POMT1: variants seen among roughly 807,000 people sequenced by gnomAD.
The protein encoded by POMT1 is protein O-mannosyltransferase 1, also known as protein O-mannosyl-transferase 1.
POMT1 carries 85 observed loss-of-function variants against 101.6 expected under a neutral mutation model. The ratio of observed to expected loss-of-function variants is 0.84; its 90% CI spans 0.70 to 1.00. POMT1 has a LOEUF of 1.00. Ranked by LOEUF, POMT1 falls within the 50% of genes least tolerant of loss-of-function variation. The pLI, the probability that POMT1 is intolerant of heterozygous loss-of-function variation, is 0.00. For missense variants in POMT1, 857 were observed against 930.4 expected, an observed-to-expected ratio of 0.92 and a Z score of 1.03; for synonymous variants, 371 against 383.0, an observed-to-expected ratio of 0.97 and a Z score of 0.37.
chr9:131,519,467 C>T lies in POMT1; in HGVS notation c.1565C>T (p.Ala522Val), dbSNP rs374402055. ...VDVSRNLSFM[A>V]RFSELQWRML... ...GTCAGCAGGAACCTCAGCTTCATGGCGAGATTCTCGGAGCTGCAGGTGAGG... is the reference window on the plus strand; with the variant it reads ...GTCAGCAGGAACCTCAGCTTCATGGTGAGATTCTCGGAGCTGCAGGTGAGG... The change falls in exon 16 of 20, where the codon GCG becomes GTG. Residue 522 changes from alanine (A) to valine (V), a missense_variant. By Grantham distance (64) the Ala-to-Val change is moderately conservative. Transcript: ENST00000402686. The surrounding 1 kb of genome is among the most constrained non-coding windows in gnomAD (Gnocchi z 4.3). The T allele has an allele frequency of 9.3e-5, 144 of 1,550,654 alleles. No homozygotes were observed. The South Asian group carries it at 9.4e-4, about 10-fold the overall frequency.
Position 131,507,364 on chromosome 9 carries a change from C to G in POMT1, c.281-4C>G. 6.2e-7 allele frequency: 1 copy of G among 1,614,096 alleles called. No individual in the cohort carries two copies. Among genetic ancestry groups the G allele is most frequent in the South Asian group, 1.1e-5 (1 of 91,074 alleles). On this transcript the variant is annotated splice_polypyrimidine_tract_variant and splice_region_variant and intron_variant, in intron 4 of 19. Coordinates refer to ENST00000402686, the MANE Select transcript of POMT1 (RefSeq NM_001077365.2). ...TCAGCTCTGCAGTGTGGTTGCTTTT[C>G]CAGAATACAGTAGCAACGTGCCTGT...
intron 12 of POMT1, 117 bp downstream of exon 12, chr9:131,513,448 A>G: frequency 1.1e-6 from 1 of 945,788 alleles, no homozygotes; most frequent in Non-Finnish European, 1.6e-6. Context: ...CATCATCTGC[A>G]TGTGTAGCAG....
chr9:131,516,172 G>T, intron 13 of POMT1, among the ~76,000 whole-genome samples: 1 of 89,048 alleles, frequency 1.1e-5, no homozygotes, highest in Admixed American at 1.4e-4. Context: ...ACACTCACAC[G>T]GAGCACTTCC....
At chr9:131,512,504 C>A (rs1270357126) in intron 11 of POMT1, among the ~76,000 whole-genome samples, 1 of 152,176 alleles carries the variant, frequency 6.6e-6, no homozygotes, top group Non-Finnish European at 1.5e-5. Context: ...TGGATTCTGC[C>A]CCCAAACAAG....
At chr9:131,521,768 T>C (rs1022484627) in intron 18 of POMT1, among the ~76,000 whole-genome samples, 2 of 152,204 alleles carry the variant, frequency 1.3e-5, no homozygotes, top group African/African-American at 4.8e-5. Context: ...GTGTCTCCAG[T>C]CGAGTGCAGC....
chr9:131,517,290 G>A (rs867042556), intron 13 of POMT1, among the ~76,000 whole-genome samples: 83 of 152,046 alleles, frequency 5.5e-4, no homozygotes, highest in African/African-American at 1.6e-3. Flanking sequence ...AAGTGCAGTG[G>A]CGTGATCTTG....
rs892418533 is a variant in POMT1 at position 131,523,170 on chromosome 9, T to C, written c.*64T>C. The C allele has an allele frequency of 7.0e-6, 11 of 1,567,968 alleles. No individual in the cohort carries two copies. In the East Asian group the frequency reaches 2.0e-4, roughly 29 times the overall value. ...GATGAGGTTGAAGGGTCTTGGTCAATGTACGTAATGAGCAGGGTGGGCCCC... is the reference window on the plus strand; with the variant it reads ...GATGAGGTTGAAGGGTCTTGGTCAACGTACGTAATGAGCAGGGTGGGCCCC... On this transcript the variant is annotated 3_prime_UTR_variant, in exon 20 of 20. Coordinates refer to ENST00000402686, the MANE Select transcript of POMT1 (RefSeq NM_001077365.2).
At chr9:131,514,323 G>T (rs1947816255) in intron 12 of POMT1, among the ~76,000 whole-genome samples, 1 of 152,126 alleles carries the variant, frequency 6.6e-6, no homozygotes, top group Non-Finnish European at 1.5e-5. Flanking sequence ...CGCCACCCTG[G>T]CTCCCCCCAG....
intron 10 of POMT1, 105 bp downstream of exon 10, chr9:131,511,572 C>A: frequency 6.6e-7 from 1 of 1,507,068 alleles, no homozygotes; most frequent in Non-Finnish European, 9.1e-7. Context: ...GTTTGCAGGA[C>A]AGAAAGAAGT....
chr9:131,522,128 A>G lies in POMT1; in HGVS notation c.1907A>G (p.Glu636Gly), dbSNP rs1322926242. 6 of 1,614,088 alleles carry G rather than the reference A, an allele frequency of 3.7e-6. No individual in the cohort carries two copies. Among genetic ancestry groups the G allele is most frequent in the Admixed American group, 1.7e-5 (1 of 60,022 alleles). Residue 636 changes from glutamate to glycine, a missense_variant, in exon 19 of 20, where the codon GAG (glutamate) becomes GGG (glycine). By Grantham distance (98) the Glu-to-Gly change is moderately conservative (BLOSUM62 -2). Transcript: ENST00000402686. This position sits in a 1 kb window ranked among gnomAD's most constrained non-coding sequence, Gnocchi z 5.5. ...AACTACCTCCCGTTCTTCCTGATGGAGAAGACACTCTTCCTCTACCACTAC... is the reference window on the plus strand; with the variant it reads ...AACTACCTCCCGTTCTTCCTGATGGGGAAGACACTCTTCCTCTACCACTAC... ...AVNYLPFFLMEKTLFLYHYLP... is the reference protein window; with the variant it reads ...AVNYLPFFLMGKTLFLYHYLP...
rs1211590149 is a variant in POMT1 at position 131,520,100 on chromosome 9, A to G, written c.1605A>G (p.Arg535=). Residue 535 remains arginine, a synonymous_variant, in exon 17 of 20, where the codon AGA becomes AGG. Transcript: ENST00000402686. ...SELQWRMLAL[R]SDDSEHKYSS... is the part of the protein sequence containing the mutation. ...TCCAGTGGAGGATGCTGGCGCTGAG[A>G]AGTGATGACTCGGAACACAAGTACA... 10 of 1,613,724 alleles carry G rather than the reference A, an allele frequency of 6.2e-6. No individual in the cohort carries two copies. The highest frequency in any genetic ancestry group is 8.5e-6 in the Non-Finnish European group (10 of 1,179,984).
In POMT1 at chr9:131,506,025, T is replaced by C. The variant is rs1588334290; in HGVS notation, c.123-89T>C. The C allele has an allele frequency of 2.4e-5, 38 of 1,562,944 alleles. No homozygotes were observed. In the East Asian group the frequency reaches 8.5e-4, roughly 35 times the overall value. ...TGCTGATCACTCACTCAAAGTCATT[T>C]GGAAACACATACACATTTATCCTCA... On this transcript the variant is annotated intron_variant, in intron 2 of 19. Transcript: ENST00000402686.
At chr9:131,520,545 C>A in intron 17 of POMT1, among the ~76,000 whole-genome samples, 1 of 152,210 alleles carries the variant, frequency 6.6e-6, no homozygotes, top group East Asian at 1.9e-4. Context: ...TCTCTCCACC[C>A]GGCAGAGTGA....
chr9:131,513,472 A>G, intron 12 of POMT1, 141 bp downstream of exon 12: 1 of 844,884 alleles, frequency 1.2e-6, no homozygotes, highest in South Asian at 1.4e-5. Context: ...TTAGACCTAC[A>G]TTTGATGCCG....
chr9:131,513,791 G>A (rs868429037), intron 12 of POMT1, among the ~76,000 whole-genome samples: 5 of 152,178 alleles, frequency 3.3e-5, no homozygotes, highest in South Asian at 4.1e-4. Context: ...TTGCCTTCCC[G>A]TGGTGCTGGG....
chr9:131,514,911 G>A (rs1039970386), intron 12 of POMT1, among the ~76,000 whole-genome samples: 7 of 152,302 alleles, frequency 4.6e-5, no homozygotes, highest in South Asian at 2.1e-4. Context: ...AGCTGAGATC[G>A]CGCCATTTGC....
Position 131,519,400 on chromosome 9 carries a change from A to T in POMT1, c.1498A>T (p.Arg500Trp). 6.4e-7 allele frequency: 1 copy of T among 1,551,954 alleles called. No homozygotes were observed. ...EHRYGASQEQ[R>W]ERERELHSPA... ...GTCTGTTCTGCCAGGCCAGGAGCAG[A>T]GGGAGCGGGAACGGGAGCTGCACTC... The change falls in exon 16 of 20, where the codon AGG becomes TGG. Residue 500 changes from arginine to tryptophan, a missense_variant. Arg to Trp is a moderately radical substitution (Grantham distance 101, BLOSUM62 -3). Coordinates refer to ENST00000402686, the MANE Select transcript of POMT1 (RefSeq NM_001077365.2). The surrounding 1 kb of genome is among the most constrained non-coding windows in gnomAD (Gnocchi z 4.3).
intron 18 of POMT1, 139 bp downstream of exon 18, chr9:131,521,611 T>G: frequency 6.5e-6 from 7 of 1,083,362 alleles, no homozygotes; most frequent in Non-Finnish European, 1.4e-6. Context: ...ATTACAGGTG[T>G]GCGCTGAGCA....
At chr9:131,515,859 AG>A in intron 13 of POMT1, among the ~76,000 whole-genome samples, 4 of 112,308 alleles carry the variant, frequency 3.6e-5, no homozygotes, top group African/African-American at 6.2e-5. Flanking sequence ...ACTTCCTCAC[AG>A]GGAGCACTTT....
Sources: allele counts gnomAD v4.1 joint callset (sites outside exome capture counted in the v4.1 genomes callset), GRCh38; gene constraint gnomAD v4.1.1; non-coding constraint Gnocchi (gnomAD v3.1); transcripts MANE v1.5; gene names NCBI Gene and HGNC (gene_info 2026-07-23, HGNC 2026-07-21).